Variants in DNAH2 observed in about 807,000 individuals in gnomAD.
DNAH2 encodes dynein axonemal heavy chain 2.
DNAH2 carries 323 observed loss-of-function variants against 523.5 expected under a neutral mutation model. The ratio of observed to expected loss-of-function variants is 0.62; its 90% CI spans 0.56 to 0.68. DNAH2 has a LOEUF of 0.68. Ranked by LOEUF, DNAH2 falls within the 30% of genes least tolerant of loss-of-function variation. DNAH2 has a pLI of 0.00. For missense variants in DNAH2, 4,907 were observed against 5,701.5 expected (o/e 0.86, Z 4.49); for synonymous variants, 2,093 against 2,177.4 (o/e 0.96, Z 1.08).
At chr17:7,741,294 CT>C (rs749461299) in intron 11 of DNAH2, among the ~76,000 whole-genome samples, 2 of 51,202 alleles carry the variant, frequency 3.9e-5, no homozygotes, top group East Asian at 1.0e-3. Context: ...TTCTTTCTTT[CT>C]TCCTTCCTTC....
chr17:7,804,761 G>A (rs532081399), intron 59 of DNAH2, among the ~76,000 whole-genome samples, 197 bp from the exon 60 acceptor site: 36 of 151,746 alleles, frequency 2.4e-4, no homozygotes, highest in Non-Finnish European at 4.3e-4. Context: ...CAGGAGAATC[G>A]CTTAAACCCT....
Position 7,774,756 on chromosome 17 carries a change from C to T in DNAH2, c.4502-3C>T. On this transcript the variant is annotated splice_region_variant and splice_polypyrimidine_tract_variant and intron_variant, in intron 28 of 85. Coordinates refer to ENST00000572933, the MANE Select transcript of DNAH2 (RefSeq NM_020877.5). ...AAATGTCATTCATCGCTCTTCTTCC[C>T]AGGCCTCCTGGACACATTGATAGAA... The T allele has an allele frequency of 6.2e-7, 1 of 1,612,306 alleles. No homozygotes were observed. The highest frequency in any genetic ancestry group is 8.5e-7 in the Non-Finnish European group (1 of 1,178,614).
At chr17:7,725,585 A>G (rs932056197) in intron 3 of DNAH2, among the ~76,000 whole-genome samples, 2 of 150,496 alleles carry the variant, frequency 1.3e-5, no homozygotes, top group African/African-American at 4.9e-5. Flanking sequence ...GGTGCATGCC[A>G]CCATGCCCGG....
chr17:7,799,089 T>C lies in DNAH2; in HGVS notation c.8560-14T>C. 1 of 1,613,598 alleles carries C rather than the reference T, an allele frequency of 6.2e-7. No homozygotes were observed. Among genetic ancestry groups the C allele is most frequent in the Non-Finnish European group, 8.5e-7 (1 of 1,179,658 alleles). On this transcript the variant is annotated splice_polypyrimidine_tract_variant and intron_variant, in intron 55 of 85. Transcript: ENST00000572933. Reference sequence around the variant, plus strand: ...GACACGCCAGCCCTCTGACCCTGGGTGGCTTCTGTCCAGATCCAGTCGCAT... The same window carrying C: ...GACACGCCAGCCCTCTGACCCTGGGCGGCTTCTGTCCAGATCCAGTCGCAT...
intron 3 of DNAH2, 35 bp downstream of exon 3, chr17:7,723,724 C>T (rs1451357052): frequency 1.9e-6 from 3 of 1,580,872 alleles, no homozygotes; most frequent in East Asian, 2.2e-5. Flanking sequence ...AGATATTCCT[C>T]CCCCAAAACT....
At chr17:7,810,067 C>CTTTT (rs578080579) in intron 63 of DNAH2, among the ~76,000 whole-genome samples, 1 of 127,308 alleles carries the variant, frequency 7.9e-6, no homozygotes, top group African/African-American at 2.9e-5. Flanking sequence ...TCTTTTTTTT[C>CTTTT]TTTTTTTTTT....
At chr17:7,775,175 C>A (rs1400845901) in intron 29 of DNAH2, 66 bp from the exon 30 acceptor site, 3 of 1,532,444 alleles carry the variant, frequency 2.0e-6, no homozygotes, top group Non-Finnish European at 2.7e-6. Flanking sequence ...TCAAAAGGCC[C>A]CAGGACTTCT....
At chr17:7,792,635 G>C (rs1158417630) in intron 46 of DNAH2, 22 bp from the exon 47 acceptor site, 7 of 1,605,474 alleles carry the variant, frequency 4.4e-6, no homozygotes, top group Non-Finnish European at 6.0e-6. Flanking sequence ...GTCCTTGAGA[G>C]CCGGCCCCTG....
intron 63 of DNAH2, among the ~76,000 whole-genome samples, chr17:7,815,103 C>T (rs1597747268): frequency 6.6e-6 from 1 of 152,362 alleles, no homozygotes; most frequent in East Asian, 1.9e-4. Context: ...GGGTGAGCCA[C>T]CGCACCTGGC....
At chr17:7,769,967 T>C (rs2076271013) in intron 24 of DNAH2, among the ~76,000 whole-genome samples, 1 of 152,220 alleles carries the variant, frequency 6.6e-6, no homozygotes, top group African/African-American at 2.4e-5. Context: ...AGATGTTTCA[T>C]GTAAGGCCTT....
At chr17:7,770,220 C>G (rs2076277237) in intron 24 of DNAH2, 32 bp from the exon 25 acceptor site, 1 of 1,563,354 alleles carries the variant, frequency 6.4e-7, no homozygotes, top group African/African-American at 1.4e-5. Context: ...GGTAACTCTC[C>G]TGACCTCACA....
At chr17:7,764,057 A>C in intron 19 of DNAH2, 26 bp downstream of exon 19, 1 of 1,614,146 alleles carries the variant, frequency 6.2e-7, no homozygotes, top group Non-Finnish European at 8.5e-7. Context: ...CCCCACAGGA[A>C]GGGGGCAGGG....
rs1450625592 is a variant in DNAH2, at chr17:7,719,746, A to C, written c.12A>C (p.Lys4Asn). Residue 4 changes from lysine (K) to asparagine (N), a missense_variant, in exon 2 of 86, where the codon AAA becomes AAC. Physicochemically the swap from Lys to Asn is moderately conservative, Grantham distance 94 (BLOSUM62 0). This residue lies in a region of DNAH2 where 2,806 missense variants were observed against 3,190.8 expected (regional missense o/e 0.88). Coordinates refer to ENST00000572933, the MANE Select transcript of DNAH2 (RefSeq NM_020877.5). MSS[K>N]AEKKQRLSGR... The stretch of plus-strand genomic sequence containing the variant: ...GTTTTGCCTGCACGATGTCCAGCAA[A>C]GCTGAGAAGAAGCAGCGATTGAGTG... 3 of 1,614,066 alleles carry C rather than the reference A, an allele frequency of 1.9e-6. No homozygotes were observed. Among genetic ancestry groups the C allele is most frequent in the Non-Finnish European group, 2.5e-6 (3 of 1,180,050 alleles).
In DNAH2 at chr17:7,780,079, C is replaced by G. The variant is rs999696736; in HGVS notation, c.5723-78C>G. Reference sequence around the variant, plus strand: ...GGAGTTAGGGTGGGAGAAAATGAGACTGATTGGAAAGTGGGTTTGGGGAAG... The same window carrying G: ...GGAGTTAGGGTGGGAGAAAATGAGAGTGATTGGAAAGTGGGTTTGGGGAAG... On this transcript the variant is annotated intron_variant, in intron 36 of 85. Coordinates refer to ENST00000572933, the MANE Select transcript of DNAH2 (RefSeq NM_020877.5). This position sits in a 1 kb window ranked among gnomAD's most constrained non-coding sequence, Gnocchi z 4.4. The G allele has an allele frequency of 3.4e-5, 53 of 1,547,400 alleles. No homozygotes were observed. Among genetic ancestry groups the G allele is most frequent in the Non-Finnish European group, 4.5e-5 (52 of 1,143,670 alleles).
chr17:7,776,549 AT>A (rs2076457997), intron 31 of DNAH2, among the ~76,000 whole-genome samples: 2 of 152,188 alleles, frequency 1.3e-5, no homozygotes, highest in Non-Finnish European at 2.9e-5. Context: ...GAAAGACAGA[AT>A]CTTGAGTCTC....
At chr17:7,833,302 A>G in intron 85 of DNAH2, 77 bp from the exon 86 acceptor site, 1 of 1,607,232 alleles carries the variant, frequency 6.2e-7, no homozygotes, top group East Asian at 2.2e-5. Context: ...AGCCCATCCC[A>G]CACCCGCTCC....
Position 7,733,478 on chromosome 17 carries a change from T to C in DNAH2, c.628+163T>C, listed in dbSNP as rs372577301. Among the ~76,000 whole-genome samples the C allele has an allele frequency of 8.1e-3, 1,167 of 143,838 alleles. 14 individuals are homozygous for C. Among genetic ancestry groups the C allele is most frequent in the African/African-American group, 0.027 (1,038 of 38,924 alleles). The allele number at this position is 143,838 out of a possible 152,430, so 94.4% of individuals were successfully genotyped here. On this transcript the variant is annotated intron_variant, in intron 5 of 85. Coordinates refer to ENST00000572933, the MANE Select transcript of DNAH2 (RefSeq NM_020877.5). ...GTACAAGATCCGCCTTCTTCTTCTT[T>C]TTTTTTTTTTTTTTTTTGAGATGGA...
rs749733652 is a variant in DNAH2, at chr17:7,734,486, G to A, written c.756G>A (p.Trp252Ter). Residue 252 changes from tryptophan (W) to a stop codon, truncating the protein, a stop_gained, in exon 7 of 86, where the codon TGG (tryptophan) becomes TGA (stop). Transcript: ENST00000572933. LOFTEE classifies it high-confidence loss of function. ...VQRLETSMIHWTRQIKEMLSA... is the reference protein window; with the variant it reads ...VQRLETSMIH ...CCCCTGCAGCCTCCATGATCCACTGGACCCGGCAGATAAAGGAGATGCTCA... is the reference window on the plus strand; with the variant it reads ...CCCCTGCAGCCTCCATGATCCACTGAACCCGGCAGATAAAGGAGATGCTCA... 1.2e-6 allele frequency: 2 copies of A among 1,613,818 alleles called. No homozygotes were observed. The highest frequency in any genetic ancestry group is 1.7e-5 in the Admixed American group (1 of 59,930).
chr17:7,768,347 T>C (rs2076228308), intron 24 of DNAH2, 80 bp downstream of exon 24: 1 of 1,392,330 alleles, frequency 7.2e-7, no homozygotes, highest in Non-Finnish European at 1.0e-6. Context: ...CATTCTCCTC[T>C]CCGCAGTGTT....
Sources: allele counts gnomAD v4.1 joint callset (sites outside exome capture counted in the v4.1 genomes callset), GRCh38; gene constraint gnomAD v4.1.1; regional missense constraint gnomAD v4.1.1; non-coding constraint Gnocchi (gnomAD v3.1); transcripts MANE v1.5; gene names NCBI Gene and HGNC (gene_info 2026-07-23, HGNC 2026-07-21).